ZC3H12B: variants seen among roughly 807,000 people sequenced by gnomAD.
ZC3H12B encodes the protein probable ribonuclease ZC3H12B.
A neutral mutation model predicts 43.9 loss-of-function variants in ZC3H12B; 7 were observed. That is an observed-to-expected ratio of 0.16 (90% CI 0.09 to 0.30). ZC3H12B has a LOEUF of 0.30. Among genes scored for constraint, ZC3H12B ranks in the 10% least tolerant of loss-of-function variants. The pLI, the probability that ZC3H12B is intolerant of heterozygous loss-of-function variation, is 1.00. For missense variants in ZC3H12B, 475 were observed against 670.2 expected, an observed-to-expected ratio of 0.71 and a Z score of 3.22; for synonymous variants, 222 against 241.7, an observed-to-expected ratio of 0.92 and a Z score of 0.76.
At chrX:65,150,776 TTTC>T in the ZC3H12B span, among the ~76,000 whole-genome samples, 1 of 111,759 alleles carries the variant, frequency 8.9e-6, no homozygotes, top group African/African-American at 3.2e-5. Flanking sequence ...CTACTTCCCC[TTTC>T]TTCTTTGCAG....
At chrX:65,483,068 G>A (rs1243305715) in intron 3 of ZC3H12B, among the ~76,000 whole-genome samples, 1 of 112,003 alleles carries the variant, frequency 8.9e-6, no homozygotes, top group Non-Finnish European at 1.9e-5. Context: ...TTTTAGCTCT[G>A]ATTGTGACAG....
the ZC3H12B span, among the ~76,000 whole-genome samples, chrX:65,219,414 G>T: frequency 1.8e-5 from 2 of 111,396 alleles, no homozygotes; most frequent in African/African-American, 6.5e-5. Context: ...AAATGATACA[G>T]GATATGAATG....
the ZC3H12B span, among the ~76,000 whole-genome samples, chrX:65,348,271 T>A: frequency 9.0e-6 from 1 of 111,239 alleles, no homozygotes; most frequent in Non-Finnish European, 1.9e-5. Flanking sequence ...CATAAAAAAA[T>A]AAGCTAAGGA....
chrX:65,182,259 G>T, the ZC3H12B span, among the ~76,000 whole-genome samples: 3 of 110,592 alleles, frequency 2.7e-5, no homozygotes, highest in African/African-American at 6.6e-5. Flanking sequence ...TTGGGAGGTG[G>T]GGGCAAGGGG....
chrX:65,381,873 C>G (rs1403033624), intron 2 of ZC3H12B, among the ~76,000 whole-genome samples: 5 of 111,348 alleles, frequency 4.5e-5, no homozygotes, highest in South Asian at 3.8e-4. Context: ...ATAAATTCCT[C>G]GACACATACA....
the ZC3H12B span, among the ~76,000 whole-genome samples, chrX:65,316,317 G>A: frequency 1.8e-5 from 2 of 111,675 alleles, no homozygotes; most frequent in Non-Finnish European, 3.8e-5. Context: ...AGTCAGGAAA[G>A]GAAGAGAACC....
At chrX:65,055,703 A>G in the ZC3H12B span, among the ~76,000 whole-genome samples, 7 of 111,145 alleles carry the variant, frequency 6.3e-5, no homozygotes, top group African/African-American at 2.3e-4. Flanking sequence ...TTCAGCTTTG[A>G]ATTCTTCTGG....
the ZC3H12B span, among the ~76,000 whole-genome samples, chrX:65,073,741 C>A: frequency 8.9e-6 from 1 of 112,031 alleles, no homozygotes; most frequent in Non-Finnish European, 1.9e-5. Flanking sequence ...AGAGGGGTCT[C>A]ATCCTACCAG....
chrX:65,060,848 C>T, the ZC3H12B span, among the ~76,000 whole-genome samples: 1 of 111,581 alleles, frequency 9.0e-6, no homozygotes, highest in East Asian at 2.8e-4. Context: ...GTTATTTGTT[C>T]TTCTTTCAAT....
the ZC3H12B span, among the ~76,000 whole-genome samples, chrX:65,179,288 A>G: frequency 9.1e-6 from 1 of 110,415 alleles, no homozygotes; most frequent in Non-Finnish European, 1.9e-5. Flanking sequence ...GGATAGCATT[A>G]GAAGAGATAC....
At chrX:65,230,192 A>C in the ZC3H12B span, among the ~76,000 whole-genome samples, 83 of 111,836 alleles carry the variant, frequency 7.4e-4, no homozygotes, top group Non-Finnish European at 1.4e-3. Context: ...ACACCATGGA[A>C]TACTATGTAG....
chrX:65,186,677 CT>C, the ZC3H12B span: 1 of 110,484 alleles, frequency 9.1e-6, no homozygotes, highest in Admixed American at 9.7e-5. Context: ...CCTTTTACCC[CT>C]CACCACCCTC....
upstream of ZC3H12B, among the ~76,000 whole-genome samples, chrX:65,362,504 C>T (rs1282671556): frequency 9.0e-6 from 1 of 110,808 alleles, no homozygotes; most frequent in East Asian, 2.8e-4. Flanking sequence ...CCTGACTATT[C>T]CTAGGCTACA....
chrX:65,045,520 G>A, the ZC3H12B span, among the ~76,000 whole-genome samples: 2 of 111,926 alleles, frequency 1.8e-5, no homozygotes, highest in East Asian at 2.8e-4. Flanking sequence ...TTTAGCATGA[G>A]ATTGAAGCAA....
chrX:65,494,754 C>T (rs1269506673), intron 1 of ZC3H12B, among the ~76,000 whole-genome samples: 1 of 107,323 alleles, frequency 9.3e-6, no homozygotes, highest in Non-Finnish European at 1.9e-5. Flanking sequence ...GCACTCCAGC[C>T]TGGATAACAG....
the ZC3H12B span, among the ~76,000 whole-genome samples, chrX:65,049,095 C>T: frequency 9.0e-6 from 1 of 110,885 alleles, no homozygotes; most frequent in African/African-American, 3.3e-5. Flanking sequence ...TGTAGGTTTT[C>T]AAATATTTTC....
the ZC3H12B span, among the ~76,000 whole-genome samples, chrX:65,059,815 A>G: frequency 1.8e-5 from 2 of 111,928 alleles, 1 homozygote; most frequent in Middle Eastern, 9.2e-3. Context: ...TACTGTTAGT[A>G]TGGGCATTTT....
At chrX:65,138,518 T>A in the ZC3H12B span, among the ~76,000 whole-genome samples, 2 of 112,439 alleles carry the variant, frequency 1.8e-5, no homozygotes, top group African/African-American at 6.4e-5. Context: ...ATTTATACTA[T>A]TTTGAATAAT....
chrX:65,105,465 A>T, the ZC3H12B span, among the ~76,000 whole-genome samples: 1 of 111,219 alleles, frequency 9.0e-6, no homozygotes, highest in Non-Finnish European at 1.9e-5. Context: ...AGCAGCTACT[A>T]CTCTTAGTGC....
Sources: gnomAD v4.1 joint callset for allele counts (sites outside exome capture counted in the v4.1 genomes callset) on GRCh38, gnomAD v4.1.1 for gene constraint, MANE v1.5 for transcripts, NCBI Gene and HGNC (gene_info 2026-07-23, HGNC 2026-07-21) for gene names.